The following BLTP3B variants were observed in gnomAD, a reference collection of about 807,000 sequenced individuals.
BLTP3B encodes the protein UHRF1 (ICBP90) binding protein 1-like.
chr12:100,128,790 AATG>A, the BLTP3B span: 1 of 1,199,776 alleles, frequency 8.3e-7, no homozygotes, highest in Non-Finnish European at 1.1e-6. Context: ...AGAGGAAAGG[AATG>A]ATGATTAAAA....
chr12:100,047,216 G>A, the BLTP3B span, among the ~76,000 whole-genome samples: 7 of 152,184 alleles, frequency 4.6e-5, no homozygotes, highest in South Asian at 2.1e-4. Flanking sequence ...GGTTTTCATC[G>A]GCTGGGCGAG....
chr12:100,059,078 T>A, the BLTP3B span: 1 of 1,614,018 alleles, frequency 6.2e-7, no homozygotes, highest in African/African-American at 1.3e-5. Context: ...ACTCTGCATA[T>A]CTTGTTGGTT....
At chr12:100,100,333 T>TA in the BLTP3B span, among the ~76,000 whole-genome samples, 1 of 151,648 alleles carries the variant, frequency 6.6e-6, no homozygotes, top group African/African-American at 2.4e-5. Context: ...AATAATTTTT[T>TA]AAAAAAACGC....
At chr12:100,089,203 T>C in the BLTP3B span, 68 of 876,776 alleles carry the variant, frequency 7.8e-5, no homozygotes, top group Non-Finnish European at 9.7e-5. Context: ...CCATAGTACA[T>C]CTTATTTTTC....
the BLTP3B span, among the ~76,000 whole-genome samples, chr12:100,107,990 C>T: frequency 1.1e-4 from 17 of 152,134 alleles, no homozygotes; most frequent in Admixed American, 9.8e-4. Context: ...AATCCGCCTA[C>T]CTCGGCCTTC....
the BLTP3B span, chr12:100,108,405 CAA>C: frequency 6.2e-7 from 1 of 1,612,306 alleles, no homozygotes; most frequent in Non-Finnish European, 8.5e-7. Flanking sequence ...CGCTTTATTA[CAA>C]AAAACTTTGT....
the BLTP3B span, chr12:100,072,846 C>G: frequency 6.4e-7 from 1 of 1,570,404 alleles, no homozygotes; most frequent in Non-Finnish European, 8.6e-7. Flanking sequence ...TGAAATCACA[C>G]TGAATAAAAA....
At chr12:100,141,448 C>CATATGTATATATATGT in the BLTP3B span, among the ~76,000 whole-genome samples, 2 of 62,358 alleles carry the variant, frequency 3.2e-5, no homozygotes, top group Admixed American at 1.8e-4. Flanking sequence ...TATATATGTA[C>CATATGTATATATATGT]ACACACACAC....
chr12:100,043,033 A>T, the BLTP3B span, among the ~76,000 whole-genome samples: 2 of 152,146 alleles, frequency 1.3e-5, no homozygotes, highest in African/African-American at 4.8e-5. Flanking sequence ...TCTCGACCTT[A>T]GGTGATCCAT....
At chr12:100,042,139 G>A in the BLTP3B span, among the ~76,000 whole-genome samples, 1 of 152,116 alleles carries the variant, frequency 6.6e-6, no homozygotes, top group Non-Finnish European at 1.5e-5. Flanking sequence ...AATTCCCACT[G>A]TTCATGGATT....
chr12:100,102,208 C>G, the BLTP3B span, among the ~76,000 whole-genome samples: 5 of 151,412 alleles, frequency 3.3e-5, no homozygotes, highest in Non-Finnish European at 7.4e-5. Context: ...CTCCCGGGTT[C>G]AAGCAATTCT....
At chr12:100,057,625 C>G in the BLTP3B span, 1 of 1,612,076 alleles carries the variant, frequency 6.2e-7, no homozygotes, top group Non-Finnish European at 8.5e-7. Flanking sequence ...AACTGTTCTT[C>G]CAATATCATG....
the BLTP3B span, among the ~76,000 whole-genome samples, chr12:100,068,181 A>T: frequency 2.0e-5 from 3 of 152,244 alleles, no homozygotes; most frequent in African/African-American, 7.2e-5. Context: ...TAGAGAATCC[A>T]GAAGTAAACC....
the BLTP3B span, among the ~76,000 whole-genome samples, chr12:100,096,114 G>T: frequency 6.6e-6 from 1 of 152,132 alleles, no homozygotes; most frequent in Non-Finnish European, 1.5e-5. Context: ...TTAGCCAGGT[G>T]TGGTGGCGGA....
At chr12:100,095,567 C>T in the BLTP3B span, 2 of 1,371,670 alleles carry the variant, frequency 1.5e-6, no homozygotes, top group East Asian at 4.8e-5. Flanking sequence ...TACTCAAAAC[C>T]TCACAATCTG....
the BLTP3B span, among the ~76,000 whole-genome samples, chr12:100,078,286 C>A: frequency 6.6e-6 from 1 of 152,166 alleles, no homozygotes; most frequent in Non-Finnish European, 1.5e-5. Context: ...CGTGCCTGCT[C>A]CTGCTTTACC....
chr12:100,048,064 T>C, the BLTP3B span: 1 of 1,613,010 alleles, frequency 6.2e-7, no homozygotes, highest in Non-Finnish European at 8.5e-7. Context: ...AGTGCTGAAG[T>C]TTTCTATGTG....
At chr12:100,135,554 A>C in the BLTP3B span, among the ~76,000 whole-genome samples, 2 of 152,174 alleles carry the variant, frequency 1.3e-5, no homozygotes, top group South Asian at 2.1e-4. Flanking sequence ...CAGGTGAGAC[A>C]CCACACCCGG....
chr12:100,070,279 T>G, the BLTP3B span: 3 of 1,285,114 alleles, frequency 2.3e-6, no homozygotes, highest in Non-Finnish European at 3.0e-6. Context: ...TTTTTTATTT[T>G]TAATTAATTA....
Sources: gnomAD v4.1 joint callset for allele counts (sites outside exome capture counted in the v4.1 genomes callset) on GRCh38, gnomAD v4.1.1 for gene constraint, MANE v1.5 for transcripts, NCBI Gene and HGNC (gene_info 2026-07-23, HGNC 2026-07-21) for gene names.